The following GRM8 variants were observed in gnomAD, a reference collection of about 807,000 sequenced individuals.
The protein encoded by GRM8 is metabotropic glutamate receptor 8.
In GRM8, 47 loss-of-function variants were observed where a neutral mutation model predicts 87.2. The observed-to-expected ratio is 0.54, with a 90% CI of 0.43 to 0.69. GRM8 has a LOEUF of 0.69. Among genes scored for constraint, GRM8 ranks in the 30% least tolerant of loss-of-function variants. The pLI, the probability that GRM8 is intolerant of heterozygous loss-of-function variation, is 0.00. For missense variants in GRM8, 1,019 were observed against 1,139.2 expected (o/e 0.89, Z 1.52); for synonymous variants, 396 against 404.5 (o/e 0.98, Z 0.25).
chr7:126,456,321 A>C (rs1287608646), intron 9 of GRM8, among the ~76,000 whole-genome samples: 1 of 151,418 alleles, frequency 6.6e-6, no homozygotes, highest in Non-Finnish European at 1.5e-5. Context: ...TCTACATAGG[A>C]AAGACAGAAA....
chr7:126,990,433 C>G (rs896987011), intron 3 of GRM8, among the ~76,000 whole-genome samples: 2 of 151,662 alleles, frequency 1.3e-5, no homozygotes, highest in Non-Finnish European at 2.9e-5. Context: ...ATTTTGCAAC[C>G]GTGAAATAAA....
chr7:126,852,252 C>T (rs535837316), intron 6 of GRM8, among the ~76,000 whole-genome samples: 1 of 152,284 alleles, frequency 6.6e-6, no homozygotes, highest in East Asian at 1.9e-4. Context: ...AGATCCTAGG[C>T]AGCCAGGCCC....
intron 2 of GRM8, among the ~76,000 whole-genome samples, chr7:127,242,413 C>T (rs1007216123): frequency 2.6e-5 from 4 of 152,002 alleles, no homozygotes; most frequent in African/African-American, 9.7e-5. Context: ...AAGAGGTTAT[C>T]CCAAGATGAC....
chr7:126,500,766 G>A (rs188233480), intron 9 of GRM8, among the ~76,000 whole-genome samples: 1 of 152,096 alleles, frequency 6.6e-6, no homozygotes, highest in East Asian at 2.0e-4. Flanking sequence ...CATCTATAGA[G>A]GTTTTCCTTA....
chr7:127,191,869 A>G (rs1795046740), intron 2 of GRM8, among the ~76,000 whole-genome samples: 1 of 152,174 alleles, frequency 6.6e-6, no homozygotes, highest in Non-Finnish European at 1.5e-5. Flanking sequence ...TTTGCTGAAG[A>G]GGCCCAATCT....
chr7:126,561,990 C>A (rs997637902), intron 8 of GRM8, among the ~76,000 whole-genome samples: 5 of 151,976 alleles, frequency 3.3e-5, no homozygotes, highest in African/African-American at 7.2e-5. Context: ...TTATTCATTT[C>A]TTTCATTTTA....
rs1250467829 is a variant in GRM8, at chr7:126,669,467, T to A, written c.1358-59969A>T. Among the ~76,000 whole-genome samples the A allele has an allele frequency of 5.9e-5, 9 of 152,208 alleles. No individual in the cohort carries two copies. The East Asian group carries it at 1.7e-3, about 29-fold the overall frequency. Reference sequence around the variant, plus strand: ...ATGGTACCTTTCAGTTCATGTGACTTTAATCTTTAAGAAATAAAAACACCC... The same window carrying A: ...ATGGTACCTTTCAGTTCATGTGACTATAATCTTTAAGAAATAAAAACACCC... On this transcript the variant is annotated intron_variant, in intron 7 of 10. Coordinates refer to ENST00000339582, the MANE Select transcript of GRM8 (RefSeq NM_000845.3).
At chr7:127,147,030 T>A (rs1469633594) in intron 2 of GRM8, among the ~76,000 whole-genome samples, 1 of 152,080 alleles carries the variant, frequency 6.6e-6, no homozygotes, top group African/African-American at 2.4e-5. Flanking sequence ...GGAAAGCATC[T>A]CTCCGTAAGT....
intron 3 of GRM8, among the ~76,000 whole-genome samples, chr7:126,909,184 C>A (rs1405570984): frequency 6.6e-6 from 1 of 152,186 alleles, no homozygotes; most frequent in African/African-American, 2.4e-5. Context: ...AGATACACCA[C>A]AGTTCAGTCA....
intron 9 of GRM8, among the ~76,000 whole-genome samples, chr7:126,462,791 C>CA (rs1242204299): frequency 6.6e-6 from 1 of 151,430 alleles, no homozygotes; most frequent in Non-Finnish European, 1.5e-5. Flanking sequence ...TGATGTGATA[C>CA]AAAAAATGGT....
intron 9 of GRM8, among the ~76,000 whole-genome samples, chr7:126,453,211 G>A (rs750755514): frequency 6.6e-6 from 1 of 151,496 alleles, no homozygotes. Flanking sequence ...TTTAACTCTG[G>A]GAAAAATCAC....
intron 9 of GRM8, among the ~76,000 whole-genome samples, chr7:126,501,201 A>G (rs1420076843): frequency 6.6e-6 from 1 of 152,058 alleles, no homozygotes; most frequent in Non-Finnish European, 1.5e-5. Context: ...ACAGATTTTT[A>G]AAAATTAAGT....
In GRM8 at chr7:127,046,755, C is replaced by G. The variant is rs1172251727; in HGVS notation, c.727+59741G>C. ...TGAGTATGAACAAATTTACTTTCTT[C>G]TTTCTTCTTCCTTATAAACATTTCT... On this transcript the variant is annotated intron_variant, in intron 3 of 10. Transcript: ENST00000339582. 2.0e-5 allele frequency among the ~76,000 whole-genome samples: 3 copies of G among 152,246 alleles called. No homozygotes were observed. The East Asian group carries it at 5.8e-4, about 29-fold the overall frequency.
At chr7:126,817,916 T>C (rs1033973378) in intron 6 of GRM8, among the ~76,000 whole-genome samples, 1 of 152,160 alleles carries the variant, frequency 6.6e-6, no homozygotes, top group Non-Finnish European at 1.5e-5. Context: ...ACACTTTATT[T>C]TCCCAAACTA....
intron 7 of GRM8, among the ~76,000 whole-genome samples, chr7:126,742,451 G>T (rs1815119947): frequency 6.6e-6 from 1 of 151,812 alleles, no homozygotes; most frequent in South Asian, 2.1e-4. Flanking sequence ...CTTTAAAAAA[G>T]ATCTGGGTAA....
At chr7:127,246,671 C>T (rs764089018) in intron 1 of GRM8, among the ~76,000 whole-genome samples, 18 of 152,234 alleles carry the variant, frequency 1.2e-4, no homozygotes, top group Non-Finnish European at 2.5e-4. Flanking sequence ...CTCCTGGAAG[C>T]AGGCACCCTG....
At chr7:127,094,202 T>C (rs1824426879) in intron 3 of GRM8, among the ~76,000 whole-genome samples, 1 of 152,220 alleles carries the variant, frequency 6.6e-6, no homozygotes, top group Non-Finnish European at 1.5e-5. Flanking sequence ...TCTCATCTAG[T>C]GCTGGAGTTT....
chr7:127,205,164 G>A (rs897175952), intron 2 of GRM8, among the ~76,000 whole-genome samples: 2 of 152,138 alleles, frequency 1.3e-5, no homozygotes, highest in African/African-American at 4.8e-5. Flanking sequence ...GAACAGACGC[G>A]CCACTGCTAC....
At chr7:127,249,528 C>T (rs1190976373) in intron 1 of GRM8, among the ~76,000 whole-genome samples, 1 of 152,148 alleles carries the variant, frequency 6.6e-6, no homozygotes, top group African/African-American at 2.4e-5. Flanking sequence ...TCAAATCATT[C>T]CAACAGCATT....
Sources: allele counts gnomAD v4.1 joint callset (sites outside exome capture counted in the v4.1 genomes callset), GRCh38; gene constraint gnomAD v4.1.1; transcripts MANE v1.5; gene names NCBI Gene and HGNC (gene_info 2026-07-23, HGNC 2026-07-21).